Variants in GK5 observed in about 807,000 individuals in gnomAD.
The protein encoded by GK5 is glycerol kinase 5, also known as ATP:glycerol 3-phosphotransferase 5.
In GK5, 39 loss-of-function variants were observed where a neutral mutation model predicts 77.3. That is an observed-to-expected ratio of 0.50 (90% CI 0.39 to 0.66). The LOEUF is 0.66. Among genes scored for constraint, GK5 ranks in the 30% least tolerant of loss-of-function variants. GK5 has a pLI of 0.00. For missense variants in GK5, 487 were observed against 633.8 expected, an observed-to-expected ratio of 0.77 and a Z score of 2.49; for synonymous variants, 211 against 208.0, an observed-to-expected ratio of 1.01 and a Z score of -0.13.
At chr3:142,188,781 A>G (rs2063809556) in intron 5 of GK5, among the ~76,000 whole-genome samples, 1 of 152,218 alleles carries the variant, frequency 6.6e-6, no homozygotes, top group Non-Finnish European at 1.5e-5. Flanking sequence ...TTCATGGCAG[A>G]GTGGTTGTGA....
rs558059270 is a variant in GK5 at position 142,161,744 on chromosome 3, G to A, written c.*3878C>T. 6.6e-6 allele frequency: 1 copy of A among 152,378 alleles called. No homozygotes were observed. The highest frequency in any genetic ancestry group is 2.1e-4 in the South Asian group (1 of 4,820). 9.4% of individuals were successfully genotyped at this position (152,378 alleles called of 1,614,324 possible). ...CTCCAGTAATTAAGGCTGCAGAGGT[G>A]GGGCTGGGTGGATGAAAACATCAGA... On this transcript the variant is annotated 3_prime_UTR_variant, in exon 16 of 16. Transcript: ENST00000392993.
intron 15 of GK5, among the ~76,000 whole-genome samples, chr3:142,169,306 T>C (rs62282070): frequency 0.13 from 19,233 of 152,226 alleles, 1,503 homozygotes; most frequent in African/African-American, 0.22. Flanking sequence ...TGGACTTCCA[T>C]GGTCATCTCT....
chr3:142,175,571 T>C (rs139721816), intron 12 of GK5, among the ~76,000 whole-genome samples: 205 of 152,328 alleles, frequency 1.3e-3, no homozygotes, highest in African/African-American at 4.9e-3. Context: ...CCCTCCTATT[T>C]TCCAAACAGT....
intron 1 of GK5, among the ~76,000 whole-genome samples, chr3:142,223,436 A>C (rs1462945750): frequency 1.3e-5 from 2 of 152,290 alleles, no homozygotes; most frequent in African/African-American, 4.8e-5. Context: ...TTTTCTTTTC[A>C]GGCTGGGATA....
intron 1 of GK5, among the ~76,000 whole-genome samples, chr3:142,224,798 A>C (rs978108890): frequency 1.1e-4 from 17 of 152,256 alleles, no homozygotes; most frequent in African/African-American, 4.1e-4. Flanking sequence ...TAAATTCTAC[A>C]AAGATATGAA....
chr3:142,182,085 TGA>T (rs1282776653), intron 10 of GK5, among the ~76,000 whole-genome samples: 1 of 152,130 alleles, frequency 6.6e-6, no homozygotes, highest in Non-Finnish European at 1.5e-5. Flanking sequence ...AAGAAGAGCT[TGA>T]GGAGGGATAA....
Position 142,165,381 on chromosome 3 carries a change from GA to G in GK5, c.*240del. ...GGTTGGAAATGACTAATGTCCTTTG[GA>G]ATTTGCTACAAAATAGAAGATATAA... On this transcript the variant is annotated 3_prime_UTR_variant, in exon 16 of 16. Coordinates refer to ENST00000392993, the MANE Select transcript of GK5 (RefSeq NM_001039547.3). The G allele has an allele frequency of 2.8e-6, 1 of 355,326 alleles. No homozygotes were observed. The highest frequency in any genetic ancestry group is 7.8e-5 in the South Asian group (1 of 12,818). The allele number at this position is 355,326 out of a possible 1,614,324, so 22.0% of individuals were successfully genotyped here.
chr3:142,174,673 T>C (rs1276900195), intron 12 of GK5, among the ~76,000 whole-genome samples: 2 of 152,196 alleles, frequency 1.3e-5, no homozygotes, highest in Non-Finnish European at 2.9e-5. Flanking sequence ...CTAAGGAAAC[T>C]GCTTGAATCC....
intron 3 of GK5, among the ~76,000 whole-genome samples, chr3:142,210,477 T>C (rs2064176254): frequency 6.6e-6 from 1 of 152,194 alleles, no homozygotes; most frequent in Admixed American, 6.5e-5. Flanking sequence ...ATTGGCTCCC[T>C]GGGGCCCAAT....
Position 142,198,786 on chromosome 3 carries a change from C to T in GK5, c.543+16G>A. 3.1e-6 allele frequency: 5 copies of T among 1,600,238 alleles called. 1 individual carries two copies. Among genetic ancestry groups the T allele is most frequent in the Non-Finnish European group, 4.3e-6 (5 of 1,174,938 alleles). On this transcript the variant is annotated intron_variant, in intron 5 of 15. Coordinates refer to ENST00000392993, the MANE Select transcript of GK5 (RefSeq NM_001039547.3). ...CATACACACATATTTTCCACATACA[C>T]ACAGTATTTTCTTACCTCAGTCAAG...
At chr3:142,195,129 GT>G (rs1250548247) in intron 5 of GK5, among the ~76,000 whole-genome samples, 6 of 151,286 alleles carry the variant, frequency 4.0e-5, no homozygotes, top group Non-Finnish European at 8.9e-5. Flanking sequence ...ATGATCATGT[GT>G]TTTTTTGTCC....
chr3:142,174,132 G>A (rs1168054105), intron 12 of GK5, among the ~76,000 whole-genome samples: 2 of 152,100 alleles, frequency 1.3e-5, no homozygotes, highest in Non-Finnish European at 2.9e-5. Flanking sequence ...GTACCACAGG[G>A]TGGAACCTTG....
At chr3:142,225,033 G>C (rs958547494) in intron 1 of GK5, among the ~76,000 whole-genome samples, 5 of 152,308 alleles carry the variant, frequency 3.3e-5, no homozygotes, top group Middle Eastern at 3.4e-3. Context: ...TGGCTCCCCA[G>C]GTGGCAAGAG....
In GK5 at chr3:142,170,857, A is replaced by G. The variant is rs368638910; in HGVS notation, c.1308-399T>C. ...ACTACACATATGGGTGCCAAGATGC[A>G]CCCAAATTTGATATTGTATTATATT... is the stretch of plus-strand genomic sequence containing the variant. On this transcript the variant is annotated intron_variant, in intron 14 of 15. Transcript: ENST00000392993. Among the ~76,000 whole-genome samples the G allele has an allele frequency of 2.0e-5, 3 of 152,182 alleles. No individual in the cohort carries two copies. The East Asian group carries it at 5.8e-4, about 29-fold the overall frequency.
intron 4 of GK5, among the ~76,000 whole-genome samples, chr3:142,202,384 T>A (rs2064038956): frequency 6.6e-6 from 1 of 152,164 alleles, no homozygotes; most frequent in Admixed American, 6.5e-5. Context: ...TTGGCCAAAC[T>A]AATGACATTG....
At chr3:142,170,865 T>C (rs533152985) in intron 14 of GK5, among the ~76,000 whole-genome samples, 1 of 152,110 alleles carries the variant, frequency 6.6e-6, no homozygotes, top group Non-Finnish European at 1.5e-5. Context: ...GCACCCAAAT[T>C]TGATATTGTA....
At chr3:142,212,144 C>T (rs1414578369) in intron 3 of GK5, among the ~76,000 whole-genome samples, 1 of 152,074 alleles carries the variant, frequency 6.6e-6, no homozygotes, top group East Asian at 1.9e-4. Flanking sequence ...TCCCACTGCC[C>T]AAGCTCAAGA....
rs2063426959 is a variant in GK5, at chr3:142,161,670, AAAG to A, written c.*3949_*3951del. The A allele has an allele frequency of 6.6e-6, 1 of 152,248 alleles. No individual in the cohort carries two copies. 9.4% of individuals were successfully genotyped at this position (152,248 alleles called of 1,614,324 possible). A position where few individuals can be genotyped will look rare whatever the true frequency, so the allele number is the denominator to read the frequency against. ...AGGAAGCAAAAAAGCAGGTCAAATC[AAAG>A]ATGATCTGCAGAATACATTAACCCT... On this transcript the variant is annotated 3_prime_UTR_variant, in exon 16 of 16. Transcript: ENST00000392993.
chr3:142,193,032 G>A (rs778589097), intron 5 of GK5, among the ~76,000 whole-genome samples: 5 of 152,120 alleles, frequency 3.3e-5, no homozygotes, highest in Admixed American at 3.3e-4. Flanking sequence ...GTGAAGGACA[G>A]GGGATTTTTC....
Sources: allele counts gnomAD v4.1 joint callset (sites outside exome capture counted in the v4.1 genomes callset), GRCh38; gene constraint gnomAD v4.1.1; transcripts MANE v1.5; gene names NCBI Gene and HGNC (gene_info 2026-07-23, HGNC 2026-07-21).